The following SIAH3 variants were observed in gnomAD, a reference collection of about 807,000 sequenced individuals.
SIAH3 encodes the protein siah E3 ubiquitin protein ligase family member 3.
SIAH3 carries 9 observed loss-of-function variants against 12.6 expected under a neutral mutation model. The ratio of observed to expected loss-of-function variants is 0.72; its 90% CI spans 0.43 to 1.25. The LOEUF (loss-of-function observed/expected upper bound fraction) is 1.25, where lower values mean the gene tolerates loss of function less well. SIAH3 is among the 50% of genes most tolerant of loss of function. The pLI, the probability that SIAH3 is intolerant of heterozygous loss-of-function variation, is 0.00. For missense variants in SIAH3, 390 were observed against 365.4 expected, an observed-to-expected ratio of 1.07 and a Z score of -0.55; for synonymous variants, 154 against 151.1, an observed-to-expected ratio of 1.02 and a Z score of -0.14.
chr13:45,810,384 G>A (rs573679576), intron 1 of SIAH3, among the ~76,000 whole-genome samples: 2 of 152,332 alleles, frequency 1.3e-5, no homozygotes, highest in East Asian at 3.9e-4. Context: ...TTGTCAGGCC[G>A]CTATAGTGCT....
chr13:45,820,611 T>C (rs867961572), intron 1 of SIAH3, among the ~76,000 whole-genome samples: 14 of 152,320 alleles, frequency 9.2e-5, no homozygotes, highest in South Asian at 4.1e-4. Flanking sequence ...CGGAGGACTA[T>C]TGAACAGCAG....
At chr13:45,784,306 G>T (rs1393273133) in intron 1 of SIAH3, among the ~76,000 whole-genome samples, 2 of 150,616 alleles carry the variant, frequency 1.3e-5, no homozygotes, top group Admixed American at 6.6e-5. Flanking sequence ...TGCCTTTGTG[G>T]TTCTTTAATA....
chr13:45,790,094 T>C (rs542299306), intron 1 of SIAH3, among the ~76,000 whole-genome samples: 1 of 152,304 alleles, frequency 6.6e-6, no homozygotes, highest in East Asian at 1.9e-4. Flanking sequence ...CTTCTGGTGC[T>C]CTGATGCCAC....
intron 1 of SIAH3, among the ~76,000 whole-genome samples, chr13:45,803,513 G>A (rs1003314127): frequency 2.0e-5 from 3 of 152,206 alleles, no homozygotes; most frequent in Non-Finnish European, 4.4e-5. Flanking sequence ...GTCTCATGGA[G>A]GAGGTCGTAA....
At chr13:45,815,955 T>A (rs1950633018) in intron 1 of SIAH3, among the ~76,000 whole-genome samples, 1 of 152,216 alleles carries the variant, frequency 6.6e-6, no homozygotes, top group Non-Finnish European at 1.5e-5. Context: ...CAGGCCCACA[T>A]GAAGCACATG....
intron 1 of SIAH3, among the ~76,000 whole-genome samples, chr13:45,802,712 C>T (rs1950586375): frequency 6.6e-6 from 1 of 152,150 alleles, no homozygotes; most frequent in African/African-American, 2.4e-5. Context: ...CTACATTCGG[C>T]AGGTTGCCAT....
chr13:45,821,173 A>T (rs9567579), intron 1 of SIAH3, among the ~76,000 whole-genome samples: 32,064 of 152,172 alleles, frequency 0.21, 3,937 homozygotes, highest in East Asian at 0.57. Flanking sequence ...TGTCTTTGTA[A>T]AAAGTGGAAT....
At chr13:45,792,940 G>A (rs573740805) in intron 1 of SIAH3, among the ~76,000 whole-genome samples, 1 of 151,916 alleles carries the variant, frequency 6.6e-6, no homozygotes, top group Non-Finnish European at 1.5e-5. Context: ...GCGACTTTTT[G>A]TGTAGTTAGA....
In SIAH3 at chr13:45,851,686, TG is replaced by T. The variant is rs528620887; in HGVS notation, c.-58del. On this transcript the variant is annotated 5_prime_UTR_variant, in exon 1 of 2. Coordinates refer to ENST00000400405, the MANE Select transcript of SIAH3 (RefSeq NM_198849.3). ...GGCAGCGGAGGAAGCTGTGAGTCCT[TG>T]GGCCCTGGAAGGAGCGCAGCCTCTG... 338 of 1,611,480 alleles carry T rather than the reference TG, an allele frequency of 2.1e-4. No individual in the cohort carries two copies. The African/African-American group carries it at 3.9e-3, about 19-fold the overall frequency.
chr13:45,802,810 G>A (rs962803306), intron 1 of SIAH3, among the ~76,000 whole-genome samples: 21 of 152,178 alleles, frequency 1.4e-4, no homozygotes, highest in Admixed American at 5.9e-4. Context: ...GGTGGCTCAC[G>A]CCTGTAATCC....
intron 1 of SIAH3, among the ~76,000 whole-genome samples, chr13:45,802,987 G>A (rs1394158498): frequency 6.6e-6 from 1 of 152,050 alleles, no homozygotes; most frequent in Non-Finnish European, 1.5e-5. Context: ...CAGGAGAATT[G>A]CTTGAACCTG....
intron 1 of SIAH3, among the ~76,000 whole-genome samples, chr13:45,845,164 G>A (rs557716797): frequency 3.2e-4 from 48 of 150,822 alleles, no homozygotes; most frequent in South Asian, 2.3e-3. Flanking sequence ...GAGACTTTCA[G>A]AGAGTTCTCA....
rs1555256192 is a variant in SIAH3, at chr13:45,783,269, T to TAAA, written c.*113_*114insTTT. ...ACAAAAAAATAATAATAATTAAAAA[T>TAAA]TAAAAAAAAAAAAAAGAAAGGAGAA... On this transcript the variant is annotated 3_prime_UTR_variant, in exon 2 of 2. Coordinates refer to ENST00000400405, the MANE Select transcript of SIAH3 (RefSeq NM_198849.3). The TAAA allele has an allele frequency of 1.3e-4, 85 of 646,886 alleles. No individual in the cohort carries two copies. Among genetic ancestry groups the TAAA allele is most frequent in the Admixed American group, 1.0e-3 (29 of 28,994 alleles). The allele number at this position is 646,886 out of a possible 1,614,324, so 40.1% of individuals were successfully genotyped here.
chr13:45,786,199 G>A (rs766073485), intron 1 of SIAH3, among the ~76,000 whole-genome samples: 1 of 152,086 alleles, frequency 6.6e-6, no homozygotes, highest in Admixed American at 6.6e-5. Flanking sequence ...CCCTCCCATG[G>A]ACCTTCCCAC....
At chr13:45,841,526 T>A (rs1489394881) in intron 1 of SIAH3, among the ~76,000 whole-genome samples, 1 of 152,216 alleles carries the variant, frequency 6.6e-6, no homozygotes, top group Non-Finnish European at 1.5e-5. Flanking sequence ...GCCCTCCTTA[T>A]CATAGATTCT....
intron 1 of SIAH3, among the ~76,000 whole-genome samples, chr13:45,848,027 G>T (rs748137851): frequency 3.9e-5 from 6 of 152,184 alleles, no homozygotes; most frequent in Non-Finnish European, 8.8e-5. Flanking sequence ...GCCAATGGGA[G>T]TGGAGCCAGG....
At chr13:45,788,762 A>G (rs1237751462) in intron 1 of SIAH3, among the ~76,000 whole-genome samples, 1 of 152,012 alleles carries the variant, frequency 6.6e-6, no homozygotes, top group Non-Finnish European at 1.5e-5. Flanking sequence ...TTTCCTTTCC[A>G]CTTACTTCCA....
At chr13:45,786,187 G>A (rs935728475) in intron 1 of SIAH3, among the ~76,000 whole-genome samples, 1 of 152,050 alleles carries the variant, frequency 6.6e-6, no homozygotes, top group African/African-American at 2.4e-5. Flanking sequence ...CCAGGGTCAG[G>A]ACCCTCCCAT....
intron 1 of SIAH3, among the ~76,000 whole-genome samples, chr13:45,841,826 C>A (rs1178980540): frequency 6.6e-6 from 1 of 152,166 alleles, no homozygotes; most frequent in Non-Finnish European, 1.5e-5. Flanking sequence ...TTTGTGCCAG[C>A]GCTAGAGACA....
Sources: gnomAD v4.1 joint callset for allele counts (sites outside exome capture counted in the v4.1 genomes callset) on GRCh38, gnomAD v4.1.1 for gene constraint, MANE v1.5 for transcripts, NCBI Gene and HGNC (gene_info 2026-07-23, HGNC 2026-07-21) for gene names.